PALLD: variants seen among roughly 807,000 people sequenced by gnomAD.
PALLD encodes the protein palladin.
In PALLD, 61 loss-of-function variants were observed where a neutral mutation model predicts 123.5. That is an observed-to-expected ratio of 0.49 (90% confidence interval 0.40 to 0.61). The LOEUF (loss-of-function observed/expected upper bound fraction) is 0.61. PALLD is among the 20% of genes least tolerant of loss of function. The pLI, the probability that PALLD is intolerant of heterozygous loss-of-function variation, is 0.00. For synonymous variants in PALLD, 465 were observed against 496.4 expected (o/e 0.94, Z 0.84); for missense variants, 1,273 against 1,377.0 (o/e 0.92, Z 1.20).
chr4:168,697,856 C>T (rs977417160), intron 8 of PALLD, among the ~76,000 whole-genome samples: 1 of 152,198 alleles, frequency 6.6e-6, no homozygotes, highest in Non-Finnish European at 1.5e-5. Flanking sequence ...TACCAGCAAT[C>T]TCATTGCTGG....
At chr4:168,901,776 T>G (rs919514059) in intron 14 of PALLD, among the ~76,000 whole-genome samples, 2 of 152,156 alleles carry the variant, frequency 1.3e-5, no homozygotes, top group African/African-American at 4.8e-5. Flanking sequence ...GAGATTCACT[T>G]GAACCCGGGA....
intron 2 of PALLD, among the ~76,000 whole-genome samples, chr4:168,625,063 T>C (rs576641636): frequency 2.0e-5 from 3 of 151,996 alleles, no homozygotes; most frequent in Non-Finnish European, 4.4e-5. Flanking sequence ...GAAGTTTATA[T>C]GGAAAAACAA....
In PALLD at chr4:168,838,729, A is replaced by G. The variant is rs185136576; in HGVS notation, c.1965-52193A>G. 8.5e-5 allele frequency among the ~76,000 whole-genome samples: 10 copies of G among 117,594 alleles called. No individual in the cohort carries two copies. The East Asian group carries it at 1.0e-3, about 12-fold the overall frequency. The allele number at this position is 117,594 out of a possible 152,430, so 77.1% of individuals were successfully genotyped here. A position where few individuals can be genotyped will look rare whatever the true frequency, so the allele number is the denominator to read the frequency against. On this transcript the variant is annotated intron_variant, in intron 10 of 21. Transcript: ENST00000505667. ...TTACTTGGAGCAGAGTCCTGCACTT[A>G]CTATGTGTATGGTTAATGCTTGTTG...
At position 168,921,527 on chromosome 4, in the gene PALLD, G is replaced by T; in HGVS notation, c.2851-7G>T. 6.4e-7 allele frequency: 1 copy of T among 1,567,596 alleles called. No homozygotes were observed. Among genetic ancestry groups the T allele is most frequent in the East Asian group, 2.3e-5 (1 of 42,986 alleles). ...AAAAATTTACATGTATTTCTTTTAT[G>T]ATTTAGGTCAGTGGGTTACCAACCC... On this transcript the variant is annotated splice_region_variant and splice_polypyrimidine_tract_variant and intron_variant, in intron 17 of 21. Coordinates refer to ENST00000505667, the MANE Select transcript of PALLD (RefSeq NM_001166108.2).
chr4:168,651,112 A>G (rs1026626274), intron 2 of PALLD, among the ~76,000 whole-genome samples: 2 of 152,166 alleles, frequency 1.3e-5, no homozygotes, highest in African/African-American at 4.8e-5. Context: ...AATGAAGTCA[A>G]TTTTTCCTGA....
intron 1 of PALLD, among the ~76,000 whole-genome samples, chr4:168,503,484 T>C (rs1012568165): frequency 1.8e-4 from 27 of 151,708 alleles, no homozygotes; most frequent in African/African-American, 6.5e-4. Context: ...CTGTCTCTAC[T>C]AAAAATACAA....
chr4:168,815,226 A>G (rs1459732564), intron 10 of PALLD, among the ~76,000 whole-genome samples: 2 of 152,230 alleles, frequency 1.3e-5, no homozygotes, highest in Non-Finnish European at 2.9e-5. Flanking sequence ...GCAGGCATAC[A>G]CTAGCATCAT....
intron 2 of PALLD, among the ~76,000 whole-genome samples, chr4:168,587,747 A>G (rs1391187491): frequency 6.6e-6 from 1 of 152,114 alleles, no homozygotes; most frequent in Non-Finnish European, 1.5e-5. Flanking sequence ...ATTTTCCACC[A>G]TACAGAAATC....
At chr4:168,675,228 G>A (rs1174589718) in intron 3 of PALLD, among the ~76,000 whole-genome samples, 1 of 152,158 alleles carries the variant, frequency 6.6e-6, no homozygotes. Context: ...CGGACCTTGT[G>A]GATAAAGAGG....
chr4:168,673,773 CTG>C (rs1274893960), intron 3 of PALLD, among the ~76,000 whole-genome samples: 1 of 152,066 alleles, frequency 6.6e-6, no homozygotes, highest in Non-Finnish European at 1.5e-5. Context: ...AGGGATGACT[CTG>C]TGGATTCAGC....
At chr4:168,747,919 A>C (rs996934491) in intron 10 of PALLD, among the ~76,000 whole-genome samples, 5 of 152,194 alleles carry the variant, frequency 3.3e-5, no homozygotes, top group African/African-American at 1.2e-4. Flanking sequence ...TTTACTCCCA[A>C]GTCAAACTCA....
intron 10 of PALLD, among the ~76,000 whole-genome samples, chr4:168,861,618 C>T (rs765857351): frequency 6.6e-6 from 1 of 151,856 alleles, no homozygotes; most frequent in Non-Finnish European, 1.5e-5. Flanking sequence ...ATGATTCCTT[C>T]TTGAAATGTT....
intron 10 of PALLD, among the ~76,000 whole-genome samples, chr4:168,888,819 T>G (rs1481263503): frequency 6.6e-6 from 1 of 151,862 alleles, no homozygotes; most frequent in Non-Finnish European, 1.5e-5. Context: ...TCAGCAAAAT[T>G]AGGAAAAAAT....
At chr4:168,667,209 C>T (rs569881757) in intron 2 of PALLD, among the ~76,000 whole-genome samples, 4 of 152,272 alleles carry the variant, frequency 2.6e-5, no homozygotes, top group African/African-American at 9.6e-5. Context: ...TCTTCCGTGT[C>T]ATATTTCACA....
intron 8 of PALLD, among the ~76,000 whole-genome samples, chr4:168,696,530 G>T (rs1448865750): frequency 6.6e-6 from 1 of 152,042 alleles, no homozygotes; most frequent in South Asian, 2.1e-4. Flanking sequence ...CCTCTAGCAT[G>T]AATGATATAG....
chr4:168,737,725 T>C (rs1787901066), intron 10 of PALLD, among the ~76,000 whole-genome samples: 1 of 152,210 alleles, frequency 6.6e-6, no homozygotes, highest in African/African-American at 2.4e-5. Flanking sequence ...CTTGTGTCTA[T>C]GGTGACCGTC....
intron 17 of PALLD, among the ~76,000 whole-genome samples, chr4:168,920,880 A>G (rs997742958): frequency 4.6e-5 from 7 of 152,130 alleles, no homozygotes; most frequent in African/African-American, 1.7e-4. Flanking sequence ...AGTATTTGTT[A>G]TTATTGTTGG....
chr4:168,865,972 C>T (rs904254779), intron 10 of PALLD, among the ~76,000 whole-genome samples: 1 of 151,982 alleles, frequency 6.6e-6, no homozygotes, highest in Non-Finnish European at 1.5e-5. Flanking sequence ...AAAGGGCTGT[C>T]GGTGATTTAA....
At chr4:168,811,976 G>A (rs1314474428) in intron 10 of PALLD, among the ~76,000 whole-genome samples, 2 of 152,164 alleles carry the variant, frequency 1.3e-5, no homozygotes, top group African/African-American at 4.8e-5. Context: ...AGTGAGATAA[G>A]AAAGGTGGTT....
Sources: allele counts gnomAD v4.1 joint callset (sites outside exome capture counted in the v4.1 genomes callset), GRCh38; gene constraint gnomAD v4.1.1; transcripts MANE v1.5; gene names NCBI Gene and HGNC (gene_info 2026-07-23, HGNC 2026-07-21).